GPC5: variants seen among roughly 807,000 people sequenced by gnomAD.
The protein encoded by GPC5 is glypican-5.
In GPC5, 47 loss-of-function variants were observed where a neutral mutation model predicts 53.9. That is an observed-to-expected ratio of 0.87 (90% CI 0.69 to 1.11). GPC5 has a LOEUF of 1.11. Among genes scored for constraint, GPC5 ranks in the 50% most tolerant of loss-of-function variants. The probability of loss-of-function intolerance (pLI) is 0.00; values close to 1 mark genes in which losing one functional copy is unlikely to be tolerated. For synonymous variants in GPC5, 286 were observed against 263.3 expected (o/e 1.09, Z -0.84); for missense variants, 748 against 713.1 (o/e 1.05, Z -0.56).
intron 7 of GPC5, among the ~76,000 whole-genome samples, chr13:92,157,083 A>AT (rs752584259): frequency 1.3e-5 from 2 of 152,216 alleles, no homozygotes; most frequent in Non-Finnish European, 2.9e-5. Context: ...CAAAGTGATT[A>AT]TATTAATTCA....
chr13:91,698,622 A>G (rs1446257501), intron 3 of GPC5, among the ~76,000 whole-genome samples: 3 of 152,202 alleles, frequency 2.0e-5, no homozygotes. Context: ...CTAGAGAACA[A>G]AAAAGCGTAG....
chr13:92,386,217 G>A (rs1429731267), intron 7 of GPC5, among the ~76,000 whole-genome samples: 3 of 151,968 alleles, frequency 2.0e-5, no homozygotes, highest in Admixed American at 2.0e-4. Flanking sequence ...GTTAATGTGA[G>A]CTTCAGGCAA....
In GPC5 at chr13:91,801,253, TTGTGTGTGTGTGTG is replaced by T. The variant is rs71113762; in HGVS notation, c.1280+44861_1280+44874del. ...ACTAACTCCCTGTGACATCCATACT[TTGTGTGTGTGTGTG>T]TGTGTGTGTGTGTGTGTGTGTGTGT... is the stretch of plus-strand genomic sequence containing the variant. On this transcript the variant is annotated intron_variant, in intron 5 of 7. Coordinates refer to ENST00000377067, the MANE Select transcript of GPC5 (RefSeq NM_004466.6). 2.1e-3 allele frequency among the ~76,000 whole-genome samples: 304 copies of T among 146,388 alleles called. 3 individuals are homozygous for T. Among genetic ancestry groups the T allele is most frequent in the African/African-American group, 7.2e-3 (286 of 39,992 alleles).
chr13:92,409,724 C>A (rs977783011), intron 7 of GPC5, among the ~76,000 whole-genome samples: 3 of 152,100 alleles, frequency 2.0e-5, no homozygotes, highest in Admixed American at 6.6e-5. Context: ...GATGTATGCA[C>A]AAGATGTTCA....
At chr13:91,708,522 T>G (rs1379838650) in intron 3 of GPC5, among the ~76,000 whole-genome samples, 1 of 152,160 alleles carries the variant, frequency 6.6e-6, no homozygotes, top group Non-Finnish European at 1.5e-5. Context: ...GGCTAAGAGG[T>G]GCAGGGGACT....
intron 7 of GPC5, among the ~76,000 whole-genome samples, chr13:92,455,680 A>T (rs897499525): frequency 2.0e-5 from 3 of 152,228 alleles, no homozygotes; most frequent in Non-Finnish European, 4.4e-5. Flanking sequence ...ATATAAATTT[A>T]AAAACACTTT....
At chr13:91,988,064 T>C (rs1167035073) in intron 6 of GPC5, among the ~76,000 whole-genome samples, 6 of 148,040 alleles carry the variant, frequency 4.1e-5, no homozygotes, top group Non-Finnish European at 8.9e-5. Flanking sequence ...AGGAATACTA[T>C]ATATAGTATT....
At chr13:92,344,585 CT>C (rs200538765) in intron 7 of GPC5, among the ~76,000 whole-genome samples, 1 of 152,106 alleles carries the variant, frequency 6.6e-6, no homozygotes, top group East Asian at 1.9e-4. Flanking sequence ...GCAGGACAGT[CT>C]TCCTAATTTG....
intron 7 of GPC5, among the ~76,000 whole-genome samples, chr13:92,262,887 T>C (rs879602400): frequency 3.9e-5 from 6 of 152,202 alleles, no homozygotes; most frequent in African/African-American, 7.2e-5. Flanking sequence ...CATTAGTTTA[T>C]CCTTTGAGTA....
At chr13:92,741,287 G>C (rs1372386640) in intron 7 of GPC5, among the ~76,000 whole-genome samples, 1 of 151,604 alleles carries the variant, frequency 6.6e-6, no homozygotes, top group Admixed American at 6.6e-5. Flanking sequence ...CATGGGAGCG[G>C]AACTGGTTGC....
intron 7 of GPC5, among the ~76,000 whole-genome samples, chr13:92,422,739 G>T (rs1876635021): frequency 6.6e-6 from 1 of 151,662 alleles, no homozygotes; most frequent in Non-Finnish European, 1.5e-5. Flanking sequence ...ACTAATTCTA[G>T]AGGAAAAAAA....
At chr13:92,617,542 T>C (rs992312964) in intron 7 of GPC5, among the ~76,000 whole-genome samples, 5 of 152,174 alleles carry the variant, frequency 3.3e-5, no homozygotes, top group Non-Finnish European at 7.4e-5. Context: ...ATTTCTTACC[T>C]GAGTCTCTTA....
At chr13:92,613,406 A>ATTATATATAAATATAATATATAT (rs1884533933) in intron 7 of GPC5, among the ~76,000 whole-genome samples, 1 of 62,766 alleles carries the variant, frequency 1.6e-5, no homozygotes. Context: ...TATATATTAT[A>ATTATATATAAATATAATATATAT]TTATATATAA....
chr13:91,992,817 T>C (rs577133423), intron 6 of GPC5, among the ~76,000 whole-genome samples: 16 of 152,276 alleles, frequency 1.1e-4, no homozygotes, highest in African/African-American at 3.8e-4. Flanking sequence ...TCAATAAACA[T>C]GCCACTGCTT....
chr13:91,585,523 A>G (rs1183698608), intron 2 of GPC5, among the ~76,000 whole-genome samples: 1 of 152,214 alleles, frequency 6.6e-6, no homozygotes, highest in Non-Finnish European at 1.5e-5. Flanking sequence ...GATGATGAGC[A>G]AAAGGAATGA....
At chr13:92,303,503 C>T (rs559827252) in intron 7 of GPC5, among the ~76,000 whole-genome samples, 1 of 151,786 alleles carries the variant, frequency 6.6e-6, no homozygotes, top group South Asian at 2.1e-4. Context: ...ATTTAAGACA[C>T]ATACATCTCT....
chr13:92,170,923 T>C (rs1017932139), intron 7 of GPC5, among the ~76,000 whole-genome samples: 20 of 151,920 alleles, frequency 1.3e-4, no homozygotes, highest in African/African-American at 4.6e-4. Flanking sequence ...AATAGTAGAG[T>C]TGTCAAAGTA....
At chr13:91,724,914 T>C (rs2036545713) in intron 3 of GPC5, 1 of 152,178 alleles carries the variant, frequency 6.6e-6, no homozygotes, top group South Asian at 2.1e-4. Flanking sequence ...TTTTTGAGTC[T>C]AATGAAAATA....
chr13:92,398,315 G>A (rs1001398911), intron 7 of GPC5, among the ~76,000 whole-genome samples: 5 of 147,452 alleles, frequency 3.4e-5, no homozygotes, highest in Non-Finnish European at 7.5e-5. Flanking sequence ...TGTAGTCCCA[G>A]CTACTTGGGA....
Sources: gnomAD v4.1 joint callset for allele counts (sites outside exome capture counted in the v4.1 genomes callset) on GRCh38, gnomAD v4.1.1 for gene constraint, MANE v1.5 for transcripts, NCBI Gene and HGNC (gene_info 2026-07-23, HGNC 2026-07-21) for gene names.